The following ACSF2 variants were observed in gnomAD, a reference collection of about 807,000 sequenced individuals.
ACSF2 encodes acyl-CoA synthetase family member 2, also known as medium-chain acyl-CoA ligase ACSF2, mitochondrial.
Under a neutral mutation model 79.3 loss-of-function variants are expected in ACSF2, and 52 were observed. That is an observed-to-expected ratio of 0.66 (90% CI 0.53 to 0.83). The LOEUF (loss-of-function observed/expected upper bound fraction) is 0.83, where lower values mean the gene tolerates loss of function less well. Ranked by LOEUF, ACSF2 falls within the 40% of genes least tolerant of loss-of-function variation. ACSF2 has a pLI of 0.00. For synonymous variants in ACSF2, 283 were observed against 312.6 expected (o/e 0.91, Z 1.00); for missense variants, 661 against 803.3 (o/e 0.82, Z 2.14).
In ACSF2 at chr17:50,460,783, G is replaced by C; in HGVS notation, c.235G>C (p.Glu79Gln). Residue 79 changes from glutamate to glutamine, a missense_variant, in exon 2 of 16, where the codon GAG becomes CAG. Transcript: ENST00000300441. ...CAGCAAGACTGTGGGCCAGTGCCTG[G>C]AGACCACAGCACAGAGGGTCCCAGA... ...LNSKTVGQCL[E>Q]TTAQRVPERE... The C allele has an allele frequency of 1.2e-6, 2 of 1,613,084 alleles. No individual in the cohort carries two copies. The highest frequency in any genetic ancestry group is 1.1e-5 in the South Asian group (1 of 90,770).
At chr17:50,465,398 G>A (rs375184830) in intron 10 of ACSF2, 288 of 1,613,908 alleles carry the variant, frequency 1.8e-4, no homozygotes, top group Non-Finnish European at 2.1e-4. Context: ...GGCAGGTGAG[G>A]CACAGGTGGC....
intron 10 of ACSF2, chr17:50,468,900 C>A: frequency 7.7e-6 from 11 of 1,427,722 alleles, no homozygotes; most frequent in South Asian, 1.5e-5. Context: ...GGTCTGCCGC[C>A]CTCTTTATAC....
rs765892355 is a variant in ACSF2, at chr17:50,464,185, T to C, written c.1139-33T>C. On this transcript the variant is annotated intron_variant, in intron 9 of 15. Coordinates refer to ENST00000300441, the MANE Select transcript of ACSF2 (RefSeq NM_025149.6). ...AAGGACTCCACTGGGCCTGGAGAATTGGGGAGCTGTGTCAGCCCTCTCTCT... is the reference window on the plus strand; with the variant it reads ...AAGGACTCCACTGGGCCTGGAGAATCGGGGAGCTGTGTCAGCCCTCTCTCT... The C allele has an allele frequency of 1.9e-6, 3 of 1,607,876 alleles. No homozygotes were observed. The Admixed American group carries it at 5.0e-5, about 27-fold the overall frequency.
chr17:50,436,496 A>G (rs2030435026), intron 1 of ACSF2, among the ~76,000 whole-genome samples: 1 of 150,218 alleles, frequency 6.7e-6, no homozygotes, highest in Non-Finnish European at 1.5e-5. Context: ...GCAATGGTGC[A>G]ATCTCGGATC....
chr17:50,436,995 C>T (rs1212295000), intron 1 of ACSF2, among the ~76,000 whole-genome samples: 1 of 152,184 alleles, frequency 6.6e-6, no homozygotes, highest in Non-Finnish European at 1.5e-5. Flanking sequence ...AGCAGTTCAG[C>T]ATTGTCCTTC....
intron 10 of ACSF2, chr17:50,468,439 C>T (rs1404446302): frequency 5.0e-6 from 8 of 1,614,152 alleles, no homozygotes; most frequent in Non-Finnish European, 6.8e-6. Flanking sequence ...AGAGGTAGGT[C>T]AGCTCGGTCA....
intron 1 of ACSF2, among the ~76,000 whole-genome samples, chr17:50,456,725 CTG>C (rs769597276): frequency 5.5e-4 from 82 of 149,406 alleles, no homozygotes; most frequent in Non-Finnish European, 5.0e-4. Context: ...GAGCGAAACT[CTG>C]TCTTAAAAAA....
At chr17:50,464,973 A>G (rs550329409) in intron 10 of ACSF2, 1 of 368,496 alleles carries the variant, frequency 2.7e-6, no homozygotes, top group East Asian at 6.5e-5. Flanking sequence ...GGGAGAAGGT[A>G]TGGGTGGAGG....
intron 1 of ACSF2, among the ~76,000 whole-genome samples, chr17:50,438,317 T>C (rs2030596644): frequency 6.6e-6 from 1 of 151,762 alleles, no homozygotes; most frequent in South Asian, 2.1e-4. Flanking sequence ...TTACCTGCTG[T>C]ATAGCAGTCC....
chr17:50,462,600 T>A lies in ACSF2; in HGVS notation c.792+15T>A, dbSNP rs1299081248. The A allele has an allele frequency of 6.2e-7, 1 of 1,608,350 alleles. No individual in the cohort carries two copies. The highest frequency in any genetic ancestry group is 1.3e-5 in the African/African-American group (1 of 74,766). ...AGTTCACCTCGGTAGGGCAGAGGTCTCCAGGCCCCAAGCCCAGATGGACAC... is the reference window on the plus strand; with the variant it reads ...AGTTCACCTCGGTAGGGCAGAGGTCACCAGGCCCCAAGCCCAGATGGACAC... On this transcript the variant is annotated intron_variant, in intron 6 of 15. Coordinates refer to ENST00000300441, the MANE Select transcript of ACSF2 (RefSeq NM_025149.6).
rs2030103220 is a variant in ACSF2 at position 50,433,254 on chromosome 17, T to C, written c.128+6865T>C. 2.6e-5 allele frequency among the ~76,000 whole-genome samples: 4 copies of C among 151,858 alleles called. No homozygotes were observed. In the South Asian group the frequency reaches 8.3e-4, roughly 32 times the overall value. On this transcript the variant is annotated intron_variant, in intron 1 of 15. Coordinates refer to ENST00000300441, the MANE Select transcript of ACSF2 (RefSeq NM_025149.6). ...CCAAGTAGCTGGGATTACAGACACC[T>C]GCCACCACGCCCAGCTAATTTTTTG...
intron 10 of ACSF2, among the ~76,000 whole-genome samples, chr17:50,466,161 A>G (rs945796566): frequency 7.2e-6 from 1 of 138,010 alleles, no homozygotes; most frequent in African/African-American, 2.8e-5. Context: ...ATCTCAGCTC[A>G]CTGCAAGCTC....
At chr17:50,426,969 GCAGCAGCA>G in intron 1 of ACSF2, 1 of 1,535,762 alleles carries the variant, frequency 6.5e-7, no homozygotes, top group Non-Finnish European at 8.7e-7. Flanking sequence ...CACTGCCTCT[GCAGCAGCA>G]CAGTAAGTAA....
chr17:50,426,913 G>A (rs1037566989), intron 1 of ACSF2: 1 of 1,535,776 alleles, frequency 6.5e-7, no homozygotes, highest in Admixed American at 2.0e-5. Context: ...AGTGCAAGGG[G>A]TGGGATGGAA....
intron 1 of ACSF2, among the ~76,000 whole-genome samples, chr17:50,440,136 TAAGGAGCA>T (rs144077300): frequency 0.01 from 1,560 of 151,840 alleles, 18 homozygotes; most frequent in African/African-American, 0.035. Context: ...CCATGGGGGG[TAAGGAGCA>T]GAGGCCAGTC....
intron 6 of ACSF2, 177 bp downstream of exon 6, chr17:50,462,762 C>T (rs1416817812): frequency 1.8e-5 from 13 of 738,100 alleles, no homozygotes; most frequent in Non-Finnish European, 2.6e-5. Context: ...GTCACATTTC[C>T]TCCCCTAGCC....
In ACSF2 at chr17:50,462,247, A is replaced by C; in HGVS notation, c.571A>C (p.Lys191Gln). 1 of 1,614,072 alleles carries C rather than the reference A, an allele frequency of 6.2e-7. No homozygotes were observed. Residue 191 changes from lysine (K) to glutamine (Q), a missense_variant, in exon 5 of 16, where the codon AAG becomes CAG. Lys to Gln is a moderately conservative substitution (Grantham distance 53). Coordinates refer to ENST00000300441, the MANE Select transcript of ACSF2 (RefSeq NM_025149.6). ...FKTQQYYNVLKQICPEVENAQ... is the reference protein window; with the variant it reads ...FKTQQYYNVLQQICPEVENAQ... The stretch of plus-strand genomic sequence containing the variant: ...GACCCAGCAATACTACAACGTCCTG[A>C]AGCAGATCTGTCCAGAAGTGGAGAA...
At chr17:50,461,792 G>A (rs976826308) in intron 4 of ACSF2, 106 bp downstream of exon 4, 12 of 1,395,070 alleles carry the variant, frequency 8.6e-6, no homozygotes, top group Middle Eastern at 1.8e-4. Flanking sequence ...ATGCATAGGC[G>A]GGTGATACGC....
In ACSF2 at chr17:50,462,806, G is replaced by A. The variant is rs79715899; in HGVS notation, c.792+221G>A. ...TCTCCACTCCAGCCCTCTTGTTCCC[G>A]GTGCAGTGGCAGATTCACTGAACCA... On this transcript the variant is annotated intron_variant, in intron 6 of 15. Coordinates refer to ENST00000300441, the MANE Select transcript of ACSF2 (RefSeq NM_025149.6). 5,789 of 606,650 alleles carry A rather than the reference G, an allele frequency of 9.5e-3. 257 individuals carry two copies. Among genetic ancestry groups the A allele is most frequent in the African/African-American group, 0.092 (4,971 of 53,936 alleles). The allele number at this position is 606,650 out of a possible 1,614,324, so 37.6% of individuals were successfully genotyped here. A position where few individuals can be genotyped will look rare whatever the true frequency, so the allele number is the denominator to read the frequency against.
Sources: gnomAD v4.1 joint callset for allele counts (sites outside exome capture counted in the v4.1 genomes callset) on GRCh38, gnomAD v4.1.1 for gene constraint, MANE v1.5 for transcripts, NCBI Gene and HGNC (gene_info 2026-07-23, HGNC 2026-07-21) for gene names.